Variants in A2M observed in about 807,000 individuals in gnomAD.
A2M encodes C3 and PZP-like alpha-2-macroglobulin domain-containing protein 5.
In A2M, 128 loss-of-function variants were observed where a neutral mutation model predicts 183.9. The ratio of observed to expected loss-of-function variants is 0.70; its 90% CI spans 0.60 to 0.81. The LOEUF is 0.81. Ranked by LOEUF, A2M falls within the 30% of genes least tolerant of loss-of-function variation. The pLI is 0.00. For synonymous variants in A2M, 592 were observed against 670.8 expected (o/e 0.88, Z 1.81); for missense variants, 1,495 against 1,787.6 (o/e 0.84, Z 2.95).
intron 22 of A2M, among the ~76,000 whole-genome samples, chr12:9,084,308 G>A (rs183008574): frequency 2.0e-5 from 3 of 152,276 alleles, no homozygotes; most frequent in African/African-American, 7.2e-5. Flanking sequence ...TGACTGTAAT[G>A]ATGGTATTTA....
At chr12:9,082,925 G>T (rs1345169946) in intron 22 of A2M, among the ~76,000 whole-genome samples, 1 of 152,172 alleles carries the variant, frequency 6.6e-6, no homozygotes, top group Non-Finnish European at 1.5e-5. Context: ...AATCCTTTGG[G>T]TATATACCCA....
At chr12:9,114,763 G>A (rs1938999505) in intron 1 of A2M, among the ~76,000 whole-genome samples, 1 of 151,694 alleles carries the variant, frequency 6.6e-6, no homozygotes, top group Admixed American at 6.6e-5. Context: ...TATGTGGGTA[G>A]GTAAATTTAA....
intron 22 of A2M, among the ~76,000 whole-genome samples, chr12:9,082,648 A>T (rs1302662874): frequency 6.6e-6 from 1 of 152,238 alleles, no homozygotes; most frequent in Admixed American, 6.5e-5. Flanking sequence ...ATTATGAAGA[A>T]TCAAGGAATG....
At chr12:9,092,753 C>G (rs1257220680) in intron 18 of A2M, among the ~76,000 whole-genome samples, 1 of 152,200 alleles carries the variant, frequency 6.6e-6, no homozygotes, top group African/African-American at 2.4e-5. Context: ...CCAGAAATCC[C>G]TCTTCTGGGT....
chr12:9,080,077 AG>A lies in A2M; in HGVS notation c.2854+16del. 6.5e-7 allele frequency: 1 copy of A among 1,542,150 alleles called. No individual in the cohort carries two copies. The highest frequency in any genetic ancestry group is 1.2e-5 in the South Asian group (1 of 81,418). Reference sequence around the variant, plus strand: ...GAAGCTGTTAATGCCCGGATCCACTAGGGGCTGGAGACTCACCCAAAACTGA... The same window carrying A: ...GAAGCTGTTAATGCCCGGATCCACTAGGGCTGGAGACTCACCCAAAACTGA... On this transcript the variant is annotated intron_variant, in intron 23 of 35. Transcript: ENST00000318602.
intron 4 of A2M, chr12:9,111,414 A>T: frequency 2.4e-6 from 1 of 410,546 alleles, no homozygotes; most frequent in African/African-American, 2.1e-5. Flanking sequence ...GAGTGAAAGT[A>T]GAAGCTGGGA....
intron 25 of A2M, 95 bp downstream of exon 25, chr12:9,079,149 A>G: frequency 1.1e-6 from 1 of 944,348 alleles, no homozygotes; most frequent in Non-Finnish European, 1.6e-6. Flanking sequence ...GTCTGATAAT[A>G]CATATCTGAT....
At chr12:9,077,659 T>A (rs780465364) in intron 26 of A2M, 42 bp downstream of exon 26, 96 of 1,604,214 alleles carry the variant, frequency 6.0e-5, no homozygotes, top group Non-Finnish European at 7.7e-5. Flanking sequence ...TCCTTGCAGA[T>A]ATCATAATGG....
In A2M at chr12:9,112,673, A is replaced by T. The variant is rs149115645; in HGVS notation, c.271-137T>A. The T allele has an allele frequency of 1.3e-3, 1,168 of 869,888 alleles. 8 individuals carry two copies. In the African/African-American group the frequency reaches 0.018, roughly 13 times the overall value. The allele number at this position is 869,888 out of a possible 1,614,324, so 53.9% of individuals were successfully genotyped here. On this transcript the variant is annotated intron_variant, in intron 2 of 35. Coordinates refer to ENST00000318602, the MANE Select transcript of A2M (RefSeq NM_000014.6). Reference sequence around the variant, plus strand: ...CTTGTTCTCAGCAGGGAAAGTTGGCATGGACAGGAATCACTTCTGCCATTT... The same window carrying T: ...CTTGTTCTCAGCAGGGAAAGTTGGCTTGGACAGGAATCACTTCTGCCATTT...
intron 22 of A2M, among the ~76,000 whole-genome samples, chr12:9,081,543 A>G (rs752328512): frequency 1.3e-5 from 2 of 152,240 alleles, no homozygotes; most frequent in Non-Finnish European, 2.9e-5. Context: ...GAAAACCCCA[A>G]TACTTGGAAA....
At position 9,068,774 on chromosome 12, in the gene A2M, T is replaced by G; in HGVS notation, c.4332A>C (p.Pro1444=). The G allele has an allele frequency of 6.2e-7, 1 of 1,608,976 alleles. No individual in the cohort carries two copies. The highest frequency in any genetic ancestry group is 8.5e-7 in the Non-Finnish European group (1 of 1,177,652). ...AGTAATCATAGACTTTCACTATGGCTGGTTTCAGATCTCTTACTGGGACAT... is the reference window on the plus strand; with the variant it reads ...AGTAATCATAGACTTTCACTATGGCGGGTTTCAGATCTCTTACTGGGACAT... ...LQDVPVRDLK[P]AIVKVYDYYE... is the part of the protein sequence containing the mutation. The change falls in exon 34 of 36, where the codon CCA becomes CCC. Residue 1444 remains proline (P), a synonymous_variant. Transcript: ENST00000318602.
intron 22 of A2M, among the ~76,000 whole-genome samples, chr12:9,087,157 A>T (rs751998795): frequency 6.6e-6 from 1 of 152,302 alleles, no homozygotes; most frequent in South Asian, 2.1e-4. Flanking sequence ...TACAATGTTC[A>T]TGGATTGGAA....
intron 31 of A2M, 65 bp downstream of exon 31, chr12:9,072,294 A>G: frequency 6.4e-7 from 1 of 1,568,800 alleles, no homozygotes; most frequent in Non-Finnish European, 8.7e-7. Flanking sequence ...TTACTTAAAG[A>G]GGAGTTCCCG....
At position 9,101,192 on chromosome 12, in the gene A2M, C is replaced by G. The variant is rs1937812429; in HGVS notation, c.1510G>C (p.Gly504Arg). Residue 504 changes from glycine (G) to arginine (R), a missense_variant, in exon 13 of 36, where the codon GGC becomes CGC. Coordinates refer to ENST00000318602, the MANE Select transcript of A2M (RefSeq NM_000014.6). ...SFYYLIMAKG[G>R]IVRTGTHGLL... ...CCATGAGTCCCAGTTCGGACAATGC[C>G]TCCCTTTGCCATTATCTGCAAAAAA... 1 of 1,559,998 alleles carries G rather than the reference C, an allele frequency of 6.4e-7. No homozygotes were observed. The highest frequency in any genetic ancestry group is 1.4e-5 in the African/African-American group (1 of 73,458).
At chr12:9,091,502 G>T in intron 18 of A2M, 73 bp from the exon 19 acceptor site, 2 of 1,463,512 alleles carry the variant, frequency 1.4e-6, no homozygotes, top group Non-Finnish European at 1.9e-6. Context: ...GAATCCCTAG[G>T]AATGATTCTA....
chr12:9,079,958 G>T, intron 23 of A2M, 136 bp downstream of exon 23: 1 of 988,804 alleles, frequency 1.0e-6, no homozygotes, highest in Non-Finnish European at 1.4e-6. Flanking sequence ...ATGATTGAAA[G>T]CAATAAACAA....
rs765410774 is a variant in A2M, at chr12:9,072,890, T to C, written c.3757-19A>G. ...CTGTGTCCTGTTAGAGACAGATGAG[T>C]GAGAGAACCCATTGGGCATTATAAG... is the stretch of plus-strand genomic sequence containing the variant. On this transcript the variant is annotated intron_variant, in intron 29 of 35. Transcript: ENST00000318602. 1.2e-6 allele frequency: 2 copies of C among 1,602,936 alleles called. No homozygotes were observed. The highest frequency in any genetic ancestry group is 1.7e-6 in the Non-Finnish European group (2 of 1,171,638).
intron 22 of A2M, among the ~76,000 whole-genome samples, chr12:9,088,558 T>G (rs116163061): frequency 0.016 from 2,466 of 152,296 alleles, 78 homozygotes; most frequent in African/African-American, 0.057. Context: ...AAAAACATAC[T>G]AAATTTGTAG....
chr12:9,082,297 A>G (rs749690852), intron 22 of A2M, among the ~76,000 whole-genome samples: 79 of 152,346 alleles, frequency 5.2e-4, no homozygotes, highest in Admixed American at 8.5e-4. Flanking sequence ...CAGGTCCCAA[A>G]TAGCAGAATC....
Sources: gnomAD v4.1 joint callset for allele counts (sites outside exome capture counted in the v4.1 genomes callset) on GRCh38, gnomAD v4.1.1 for gene constraint, MANE v1.5 for transcripts, NCBI Gene and HGNC (gene_info 2026-07-23, HGNC 2026-07-21) for gene names.